FER: variants seen among roughly 807,000 people sequenced by gnomAD.
FER encodes the protein tyrosine-protein kinase Fer.
In FER, 63 loss-of-function variants were observed where a neutral mutation model predicts 111.0. That is an observed-to-expected ratio of 0.57 (90% CI 0.46 to 0.70). The LOEUF is 0.70. Among genes scored for constraint, FER ranks in the 30% least tolerant of loss-of-function variants. The probability of loss-of-function intolerance (pLI) is 0.00; values close to 1 mark genes in which losing one functional copy is unlikely to be tolerated. For synonymous variants in FER, 327 were observed against 313.9 expected (o/e 1.04, Z -0.44); for missense variants, 914 against 954.0 (o/e 0.96, Z 0.55).
intron 5 of FER, among the ~76,000 whole-genome samples, chr5:108,854,875 G>A (rs926217415): frequency 9.3e-5 from 14 of 150,426 alleles, no homozygotes; most frequent in East Asian, 1.9e-4. Flanking sequence ...CCCAGGAGGC[G>A]GAGGTTGCAG....
intron 17 of FER, among the ~76,000 whole-genome samples, chr5:109,144,533 A>G (rs1753864351): frequency 6.6e-6 from 1 of 152,178 alleles, no homozygotes; most frequent in Non-Finnish European, 1.5e-5. Context: ...TGGTATCTAC[A>G]TACACCTATA....
rs913006239 is a variant in FER, at chr5:109,075,141, C to T, written c.1925-25255C>T. Among the ~76,000 whole-genome samples, 4 of 152,264 alleles carry T rather than the reference C, an allele frequency of 2.6e-5. No individual in the cohort carries two copies. The East Asian group carries it at 5.8e-4, about 22-fold the overall frequency. Reference sequence around the variant, plus strand: ...GCAAATCCTTCAACCCTTCTCTCATCTCTTGTTTACGCTGCTGTCTCTTTT... The same window carrying T: ...GCAAATCCTTCAACCCTTCTCTCATTTCTTGTTTACGCTGCTGTCTCTTTT... On this transcript the variant is annotated intron_variant, in intron 16 of 19. Coordinates refer to ENST00000281092, the MANE Select transcript of FER (RefSeq NM_005246.4).
intron 1 of FER, among the ~76,000 whole-genome samples, chr5:108,759,526 G>T (rs968837978): frequency 6.6e-6 from 1 of 152,122 alleles, no homozygotes; most frequent in Non-Finnish European, 1.5e-5. Flanking sequence ...AGTCCATTTT[G>T]TGCTTCTATA....
chr5:108,949,989 G>C lies in FER; in HGVS notation c.1329+3767G>C, dbSNP rs143614029. 5.9e-3 allele frequency among the ~76,000 whole-genome samples: 897 copies of C among 152,178 alleles called. 5 individuals carry two copies. Among genetic ancestry groups the C allele is most frequent in the African/African-American group, 0.021 (860 of 41,540 alleles). On this transcript the variant is annotated intron_variant, in intron 11 of 19. Coordinates refer to ENST00000281092, the MANE Select transcript of FER (RefSeq NM_005246.4). ...GAAAAGCATGTTATTACCAATAAAT[G>C]ATGAGTAAGGGAACAAAAGAAGCCG... is the stretch of plus-strand genomic sequence containing the variant.
chr5:109,039,385 G>A (rs1770842417), intron 14 of FER, among the ~76,000 whole-genome samples: 1 of 152,076 alleles, frequency 6.6e-6, no homozygotes, highest in African/African-American at 2.4e-5. Context: ...GTTTCAATGA[G>A]CAAGTAGCCA....
intron 5 of FER, among the ~76,000 whole-genome samples, chr5:108,850,642 TA>T (rs1762462356): frequency 6.6e-6 from 1 of 152,224 alleles, no homozygotes; most frequent in East Asian, 1.9e-4. Context: ...ATTTACTTTT[TA>T]TTTTTTTTCT....
At chr5:109,044,004 A>G (rs1368069584) in intron 14 of FER, among the ~76,000 whole-genome samples, 1 of 152,070 alleles carries the variant, frequency 6.6e-6, no homozygotes, top group Non-Finnish European at 1.5e-5. Flanking sequence ...GCATAATATG[A>G]TTATAGCTAT....
chr5:108,906,020 T>C (rs1479540814), intron 10 of FER, among the ~76,000 whole-genome samples: 1 of 152,164 alleles, frequency 6.6e-6, no homozygotes, highest in African/African-American at 2.4e-5. Flanking sequence ...GCCAGACTTC[T>C]TTGGTTTGAG....
intron 16 of FER, among the ~76,000 whole-genome samples, chr5:109,050,506 T>C (rs1360541664): frequency 6.6e-6 from 1 of 152,184 alleles, no homozygotes; most frequent in African/African-American, 2.4e-5. Context: ...TAAGCATGGC[T>C]TGATTCCCTG....
At chr5:108,859,242 A>G (rs1348483942) in intron 5 of FER, among the ~76,000 whole-genome samples, 1 of 151,990 alleles carries the variant, frequency 6.6e-6, no homozygotes, top group East Asian at 1.9e-4. Context: ...GTGATCTACC[A>G]CTACAGTTTT....
At chr5:109,004,041 A>G (rs1310528189) in intron 13 of FER, among the ~76,000 whole-genome samples, 1 of 152,210 alleles carries the variant, frequency 6.6e-6, no homozygotes, top group Non-Finnish European at 1.5e-5. Flanking sequence ...ATTGACAAAT[A>G]TTAGAAAACA....
At chr5:109,026,419 T>G (rs2149844928) in intron 13 of FER, among the ~76,000 whole-genome samples, 1 of 151,318 alleles carries the variant, frequency 6.6e-6, no homozygotes, top group Non-Finnish European at 1.5e-5. Context: ...CTTTGCATAC[T>G]TTTCAATAAG....
chr5:108,807,640 G>A (rs190861872), intron 3 of FER, among the ~76,000 whole-genome samples: 98 of 152,110 alleles, frequency 6.4e-4, no homozygotes, highest in African/African-American at 2.2e-3. Context: ...TTTGGTTTTG[G>A]TTACTTCTTT....
At position 108,940,407 on chromosome 5, in the gene FER, A is replaced by G. The variant is rs1310420219; in HGVS notation, c.1237-5723A>G. On this transcript the variant is annotated intron_variant, in intron 10 of 19. Coordinates refer to ENST00000281092, the MANE Select transcript of FER (RefSeq NM_005246.4). ...TCCAGGTTGGATATGGAAAGTCACA[A>G]GAGACCATCATTTCTTCCTAACAAC... Among the ~76,000 whole-genome samples, 10 of 152,134 alleles carry G rather than the reference A, an allele frequency of 6.6e-5. No individual in the cohort carries two copies. The East Asian group carries it at 1.7e-3, about 26-fold the overall frequency.
chr5:109,129,906 T>A (rs953800567), intron 17 of FER, among the ~76,000 whole-genome samples: 4 of 152,040 alleles, frequency 2.6e-5, no homozygotes, highest in African/African-American at 9.7e-5. Flanking sequence ...AAATCCTACA[T>A]CTCACATATA....
chr5:109,138,052 T>C (rs995858910), intron 17 of FER, among the ~76,000 whole-genome samples: 1 of 152,096 alleles, frequency 6.6e-6, no homozygotes, highest in African/African-American at 2.4e-5. Flanking sequence ...CTTTCTGTCA[T>C]ATCGGAACTA....
chr5:109,096,619 C>A (rs1747557369), intron 16 of FER, among the ~76,000 whole-genome samples: 1 of 151,800 alleles, frequency 6.6e-6, no homozygotes, highest in South Asian at 2.1e-4. Context: ...AAAATAGTTT[C>A]TTTCACTCTT....
intron 5 of FER, among the ~76,000 whole-genome samples, chr5:108,837,624 G>T (rs1404590261): frequency 6.6e-6 from 1 of 152,120 alleles, no homozygotes; most frequent in Non-Finnish European, 1.5e-5. Flanking sequence ...GTTAGAAAAA[G>T]AAATACATAA....
intron 17 of FER, among the ~76,000 whole-genome samples, chr5:109,130,060 GT>G (rs71808956): frequency 2.0e-5 from 3 of 150,460 alleles, no homozygotes; most frequent in East Asian, 1.9e-4. Context: ...TTGTGCGTAG[GT>G]TTTTTTTTAC....
Sources: gnomAD v4.1 joint callset for allele counts (sites outside exome capture counted in the v4.1 genomes callset) on GRCh38, gnomAD v4.1.1 for gene constraint, MANE v1.5 for transcripts, NCBI Gene and HGNC (gene_info 2026-07-23, HGNC 2026-07-21) for gene names.